Variants in CNTNAP2 observed in about 807,000 individuals in gnomAD.
CNTNAP2 encodes the protein contactin-associated protein-like 2.
Under a neutral mutation model 155.2 loss-of-function variants are expected in CNTNAP2, and 98 were observed. The ratio of observed to expected loss-of-function variants is 0.63; its 90% CI spans 0.54 to 0.75. The LOEUF is 0.75. Ranked by LOEUF, CNTNAP2 falls within the 30% of genes least tolerant of loss-of-function variation. CNTNAP2 has a pLI of 0.00. For missense variants in CNTNAP2, 1,727 were observed against 1,688.1 expected (o/e 1.02, Z -0.40); for synonymous variants, 651 against 631.2 (o/e 1.03, Z -0.47).
chr7:147,267,793 T>G (rs990584778), intron 8 of CNTNAP2, among the ~76,000 whole-genome samples: 7 of 152,226 alleles, frequency 4.6e-5, no homozygotes, highest in South Asian at 4.1e-4. Context: ...TGTTTTCGAT[T>G]ATAAAAATCT....
At chr7:146,959,726 A>G (rs1021334488) in intron 3 of CNTNAP2, among the ~76,000 whole-genome samples, 24 of 151,836 alleles carry the variant, frequency 1.6e-4, no homozygotes, top group African/African-American at 3.4e-4. Context: ...AAAAAAAAAA[A>G]AAAAAAAGAA....
chr7:148,072,892 G>GAGACA (rs1282003996), intron 15 of CNTNAP2, among the ~76,000 whole-genome samples: 2 of 152,140 alleles, frequency 1.3e-5, no homozygotes, highest in Non-Finnish European at 2.9e-5. Context: ...ATTTTTAGTA[G>GAGACA]AGATGGGGTT....
intron 15 of CNTNAP2, among the ~76,000 whole-genome samples, chr7:148,007,582 A>G (rs977284): frequency 0.68 from 103,002 of 152,086 alleles, 35,401 homozygotes; most frequent in East Asian, 0.83. Context: ...ATTGATTCCC[A>G]AACGTAGACT....
chr7:147,693,589 C>T (rs546457894), intron 13 of CNTNAP2, among the ~76,000 whole-genome samples: 22 of 151,506 alleles, frequency 1.5e-4, no homozygotes, highest in South Asian at 2.1e-4. Flanking sequence ...TTTCGGGGGG[C>T]GCTGATATAA....
At chr7:147,154,441 G>C (rs577853326) in intron 8 of CNTNAP2, among the ~76,000 whole-genome samples, 1 of 152,232 alleles carries the variant, frequency 6.6e-6, no homozygotes, top group African/African-American at 2.4e-5. Flanking sequence ...CTGTTTAAAG[G>C]AAGTATGGAT....
intron 14 of CNTNAP2, among the ~76,000 whole-genome samples, chr7:147,935,503 T>C (rs1444972615): frequency 6.6e-6 from 1 of 152,242 alleles, no homozygotes; most frequent in African/African-American, 2.4e-5. Context: ...AATTGAATTT[T>C]ATGCCACCTT....
chr7:146,655,138 A>AT (rs1799974301), intron 1 of CNTNAP2, among the ~76,000 whole-genome samples: 1 of 151,988 alleles, frequency 6.6e-6, no homozygotes, highest in Non-Finnish European at 1.5e-5. Context: ...AATATGTCAC[A>AT]TTTTTTAAAG....
At chr7:146,475,224 C>A (rs6951807) in intron 1 of CNTNAP2, among the ~76,000 whole-genome samples, 2,906 of 152,186 alleles carry the variant, frequency 0.019, 82 homozygotes, top group African/African-American at 0.064. Context: ...CTGTTCTTAG[C>A]TTGCTGGGTT....
chr7:147,580,904 G>A lies in CNTNAP2; in HGVS notation c.1897+18647G>A, dbSNP rs546058641. 1.1e-3 allele frequency among the ~76,000 whole-genome samples: 164 copies of A among 152,130 alleles called. 1 individual carries two copies. The highest frequency in any genetic ancestry group is 1.5e-3 in the Non-Finnish European group (99 of 68,022). On this transcript the variant is annotated intron_variant, in intron 12 of 23. Coordinates refer to ENST00000361727, the MANE Select transcript of CNTNAP2 (RefSeq NM_014141.6). The stretch of plus-strand genomic sequence containing the variant: ...GTGCTGGGATTACAGGCGTGAGCCA[G>A]TGCGCTCAGCCCATTATTTGTTTAT...
chr7:147,869,821 A>G (rs1247115117), intron 13 of CNTNAP2, among the ~76,000 whole-genome samples: 1 of 152,214 alleles, frequency 6.6e-6, no homozygotes, highest in Non-Finnish European at 1.5e-5. Flanking sequence ...GCTCAATTTC[A>G]TATCAACTTA....
intron 8 of CNTNAP2, among the ~76,000 whole-genome samples, chr7:147,181,260 G>T (rs1002894437): frequency 2.6e-5 from 4 of 152,124 alleles, no homozygotes; most frequent in Non-Finnish European, 5.9e-5. Context: ...TCTCCAAAGG[G>T]CACAGAGGCA....
chr7:146,473,969 T>G (rs1416930215), intron 1 of CNTNAP2, among the ~76,000 whole-genome samples: 2 of 152,208 alleles, frequency 1.3e-5, no homozygotes, highest in Non-Finnish European at 2.9e-5. Flanking sequence ...GAGCCATCTG[T>G]CAGTCAGAAT....
At chr7:147,683,850 A>G (rs924505005) in intron 13 of CNTNAP2, among the ~76,000 whole-genome samples, 1 of 151,098 alleles carries the variant, frequency 6.6e-6, no homozygotes, top group African/African-American at 2.4e-5. Flanking sequence ...GACTGCCAAA[A>G]TCTAGGGCAC....
intron 3 of CNTNAP2, among the ~76,000 whole-genome samples, chr7:146,896,624 G>A (rs2129212642): frequency 6.6e-6 from 1 of 151,972 alleles, no homozygotes; most frequent in South Asian, 2.1e-4. Context: ...AAAAGCAATT[G>A]CAAATTTGCC....
At chr7:147,819,148 T>A (rs932103746) in intron 13 of CNTNAP2, among the ~76,000 whole-genome samples, 5 of 152,172 alleles carry the variant, frequency 3.3e-5, no homozygotes, top group Non-Finnish European at 2.9e-5. Context: ...AGAATTTTAA[T>A]CATAGAGATG....
chr7:147,240,821 G>A (rs1323532168), intron 8 of CNTNAP2, among the ~76,000 whole-genome samples: 2 of 152,148 alleles, frequency 1.3e-5, no homozygotes, highest in Non-Finnish European at 2.9e-5. Flanking sequence ...TAAAAATTCT[G>A]TGTCGAAGGG....
chr7:147,220,034 CT>C (rs1456304546), intron 8 of CNTNAP2, among the ~76,000 whole-genome samples: 1 of 151,148 alleles, frequency 6.6e-6, no homozygotes. Flanking sequence ...CGTGATCTGC[CT>C]GCCTCTGCCT....
chr7:146,138,553 G>T (rs1258017709), intron 1 of CNTNAP2, among the ~76,000 whole-genome samples: 2 of 152,064 alleles, frequency 1.3e-5, no homozygotes, highest in African/African-American at 4.8e-5. Context: ...TTCATTATGG[G>T]TAAGAAATAT....
At chr7:147,088,144 A>G (rs1800320559) in intron 4 of CNTNAP2, among the ~76,000 whole-genome samples, 1 of 152,318 alleles carries the variant, frequency 6.6e-6, no homozygotes, top group African/African-American at 2.4e-5. Flanking sequence ...TCATTTTCCT[A>G]ATTCACATTT....
Sources: gnomAD v4.1 joint callset for allele counts (sites outside exome capture counted in the v4.1 genomes callset) on GRCh38, gnomAD v4.1.1 for gene constraint, MANE v1.5 for transcripts, NCBI Gene and HGNC (gene_info 2026-07-23, HGNC 2026-07-21) for gene names.